The following PTPRD variants were observed in gnomAD, a reference collection of about 807,000 sequenced individuals.
PTPRD encodes receptor-type tyrosine-protein phosphatase delta.
A neutral mutation model predicts 214.5 loss-of-function variants in PTPRD; 34 were observed. The ratio of observed to expected loss-of-function variants is 0.16; its 90% confidence interval spans 0.12 to 0.21. The LOEUF is 0.21. Among genes scored for constraint, PTPRD ranks in the 10% least tolerant of loss-of-function variants. The pLI is 1.00. For missense variants in PTPRD, 2,545 were observed against 2,398.7 expected, an observed-to-expected ratio of 1.06 and a Z score of -1.27; for synonymous variants, 1,128 against 845.7, an observed-to-expected ratio of 1.33 and a Z score of -5.79.
At chr9:8,728,564 C>T (rs1357910325) in intron 12 of PTPRD, among the ~76,000 whole-genome samples, 2 of 152,228 alleles carry the variant, frequency 1.3e-5, no homozygotes, top group African/African-American at 4.8e-5. Flanking sequence ...GAAATGTATG[C>T]ATTTTAATAA....
At chr9:9,421,261 CAA>C (rs2078699923) in intron 8 of PTPRD, among the ~76,000 whole-genome samples, 1 of 150,656 alleles carries the variant, frequency 6.6e-6, no homozygotes, top group South Asian at 2.1e-4. Context: ...CCCTAAGTAG[CAA>C]GTAATAGTAC....
intron 7 of PTPRD, among the ~76,000 whole-genome samples, chr9:9,631,608 C>A (rs1169300383): frequency 1.3e-5 from 2 of 152,046 alleles, no homozygotes; most frequent in Non-Finnish European, 2.9e-5. Context: ...GTAGGTTCAG[C>A]CTAATCCCTC....
At chr9:9,405,362 T>C (rs570201323) in intron 8 of PTPRD, among the ~76,000 whole-genome samples, 3 of 152,162 alleles carry the variant, frequency 2.0e-5, no homozygotes, top group African/African-American at 7.2e-5. Flanking sequence ...GGTTACCAAT[T>C]ACCATAGAAG....
At chr9:8,880,720 A>G (rs1248542457) in intron 11 of PTPRD, among the ~76,000 whole-genome samples, 1 of 152,134 alleles carries the variant, frequency 6.6e-6, no homozygotes, top group Non-Finnish European at 1.5e-5. Context: ...CCAAGCACAA[A>G]TAAATAGAAT....
intron 2 of PTPRD, among the ~76,000 whole-genome samples, chr9:10,452,075 TAGA>T (rs1203256283): frequency 3.9e-5 from 6 of 152,090 alleles, no homozygotes; most frequent in Admixed American, 2.0e-4. Flanking sequence ...GTGAGACTAG[TAGA>T]AGAAGCTTCA....
rs143238195 is a variant in PTPRD, at chr9:9,210,762, C to T, written c.-202-27399G>A. ...ATCTCCTTTCTCTTTGGCCAGGAAA[C>T]AAAGGCAACTATTTTTTTTGTTGTG... On this transcript the variant is annotated intron_variant, in intron 9 of 45. Coordinates refer to ENST00000381196, the MANE Select transcript of PTPRD (RefSeq NM_002839.4). 4.0e-3 allele frequency among the ~76,000 whole-genome samples: 610 copies of T among 152,166 alleles called. 5 individuals carry two copies. The highest frequency in any genetic ancestry group is 0.014 in the African/African-American group (571 of 41,532).
intron 3 of PTPRD, among the ~76,000 whole-genome samples, chr9:10,133,692 T>A (rs566598527): frequency 6.6e-6 from 1 of 152,258 alleles, no homozygotes; most frequent in South Asian, 2.1e-4. Context: ...TGTTCACCAA[T>A]AGATAGTAAC....
chr9:8,626,925 T>C (rs2096061399), intron 14 of PTPRD, among the ~76,000 whole-genome samples: 1 of 151,748 alleles, frequency 6.6e-6, no homozygotes, highest in Admixed American at 6.6e-5. Flanking sequence ...TATATTCTGT[T>C]GGGGTTCTCT....
intron 9 of PTPRD, among the ~76,000 whole-genome samples, chr9:9,387,901 T>G (rs2064419091): frequency 6.6e-6 from 1 of 152,158 alleles, no homozygotes; most frequent in Admixed American, 6.5e-5. Context: ...GAAGCCCCAG[T>G]GGGCATGTGT....
intron 33 of PTPRD, among the ~76,000 whole-genome samples, chr9:8,451,712 G>A (rs1183108135): frequency 1.3e-5 from 2 of 152,114 alleles, no homozygotes; most frequent in Admixed American, 6.5e-5. Context: ...TAATACCAAT[G>A]GCCCTTCTCA....
intron 4 of PTPRD, among the ~76,000 whole-genome samples, chr9:10,020,115 T>A (rs1266893127): frequency 6.6e-6 from 1 of 152,094 alleles, no homozygotes; most frequent in African/African-American, 2.4e-5. Context: ...AGAAGTTAAA[T>A]ATTTATTATT....
intron 13 of PTPRD, among the ~76,000 whole-genome samples, chr9:8,635,346 AT>A (rs1328406864): frequency 2.0e-5 from 3 of 151,648 alleles, no homozygotes; most frequent in African/African-American, 7.3e-5. Flanking sequence ...CTTCATTTAA[AT>A]TTTTTTAATG....
At chr9:9,090,241 A>G (rs1405644518) in intron 10 of PTPRD, among the ~76,000 whole-genome samples, 1 of 152,002 alleles carries the variant, frequency 6.6e-6, no homozygotes, top group African/African-American at 2.4e-5. Flanking sequence ...CTCTGGTAGC[A>G]ATCATTCTAT....
chr9:10,572,538 G>A (rs933820473), intron 2 of PTPRD, among the ~76,000 whole-genome samples: 4 of 152,158 alleles, frequency 2.6e-5, no homozygotes, highest in Non-Finnish European at 5.9e-5. Context: ...GATGAAGGAA[G>A]CTAATTGCAA....
intron 10 of PTPRD, among the ~76,000 whole-genome samples, chr9:9,140,415 A>T (rs573667554): frequency 2.0e-4 from 31 of 152,254 alleles, no homozygotes; most frequent in Admixed American, 9.1e-4. Context: ...AATAGAGAGA[A>T]ATACTAAAGA....
At chr9:8,632,876 A>C (rs1358284441) in intron 14 of PTPRD, among the ~76,000 whole-genome samples, 1 of 152,022 alleles carries the variant, frequency 6.6e-6, no homozygotes, top group Non-Finnish European at 1.5e-5. Context: ...GGTTCTGACC[A>C]ATTGCTTAAG....
intron 6 of PTPRD, among the ~76,000 whole-genome samples, chr9:9,759,833 A>T (rs111737938): frequency 6.8e-4 from 104 of 152,226 alleles, no homozygotes; most frequent in Non-Finnish European, 1.4e-3. Flanking sequence ...CTGAGATTAC[A>T]GGCATGGGCC....
At chr9:8,492,360 T>C (rs2097167864) in intron 27 of PTPRD, among the ~76,000 whole-genome samples, 1 of 152,150 alleles carries the variant, frequency 6.6e-6, no homozygotes, top group South Asian at 2.1e-4. Flanking sequence ...TTCACGTCAT[T>C]TGAGTCTCGA....
At chr9:9,832,138 C>G (rs1470173713) in intron 5 of PTPRD, among the ~76,000 whole-genome samples, 2 of 151,966 alleles carry the variant, frequency 1.3e-5, no homozygotes, top group African/African-American at 4.8e-5. Flanking sequence ...GTGAGCCAAG[C>G]TGGTGTTGTG....
Sources: allele counts gnomAD v4.1 joint callset (sites outside exome capture counted in the v4.1 genomes callset), GRCh38; gene constraint gnomAD v4.1.1; transcripts MANE v1.5; gene names NCBI Gene and HGNC (gene_info 2026-07-23, HGNC 2026-07-21).